ADK: variants seen among roughly 807,000 people sequenced by gnomAD.
ADK encodes the protein adenosine kinase.
A neutral mutation model predicts 44.7 loss-of-function variants in ADK; 24 were observed. That is an observed-to-expected ratio of 0.54 (90% CI 0.39 to 0.76). The LOEUF (loss-of-function observed/expected upper bound fraction) is 0.76. ADK is among the 30% of genes least tolerant of loss of function. The pLI is 0.00. For synonymous variants in ADK, 128 were observed against 142.6 expected, an observed-to-expected ratio of 0.90 and a Z score of 0.73; for missense variants, 321 against 425.1, an observed-to-expected ratio of 0.76 and a Z score of 2.15.
chr10:74,500,624 A>T (rs990192217), intron 6 of ADK, among the ~76,000 whole-genome samples: 1 of 152,246 alleles, frequency 6.6e-6, no homozygotes, highest in Non-Finnish European at 1.5e-5. Flanking sequence ...TAAAAATTAC[A>T]TCAAATCATA....
chr10:74,340,246 T>A (rs1287492924), intron 4 of ADK, among the ~76,000 whole-genome samples: 2 of 152,164 alleles, frequency 1.3e-5, no homozygotes, highest in African/African-American at 4.8e-5. Context: ...GGAAAAGGTG[T>A]GAAATTCCAG....
rs11001019 is a variant in ADK, at chr10:74,378,065, T to C, written c.274-16076T>C. Among the ~76,000 whole-genome samples the C allele has an allele frequency of 2.0e-5, 3 of 150,870 alleles. No individual in the cohort carries two copies. The East Asian group carries it at 5.8e-4, about 29-fold the overall frequency. On this transcript the variant is annotated intron_variant, in intron 4 of 10. Coordinates refer to ENST00000539909, the MANE Select transcript of ADK (RefSeq NM_006721.4). ...TCTGTGCCTCAGTTTTTTTTTTTTTTAATCTATGAAATGGAGATCATGTGT... is the reference window on the plus strand; with the variant it reads ...TCTGTGCCTCAGTTTTTTTTTTTTTCAATCTATGAAATGGAGATCATGTGT...
At chr10:74,615,247 A>C (rs1011280651) in intron 9 of ADK, among the ~76,000 whole-genome samples, 7 of 152,192 alleles carry the variant, frequency 4.6e-5, no homozygotes, top group Non-Finnish European at 1.0e-4. Flanking sequence ...ATCCAAAGTA[A>C]ATTAGCTCTT....
At chr10:74,627,351 T>C (rs1853246057) in intron 9 of ADK, among the ~76,000 whole-genome samples, 1 of 152,026 alleles carries the variant, frequency 6.6e-6, no homozygotes, top group African/African-American at 2.4e-5. Context: ...AGCACAGTGA[T>C]GCGCACCTGT....
At chr10:74,224,905 T>A (rs1844471784) in intron 3 of ADK, among the ~76,000 whole-genome samples, 1 of 152,232 alleles carries the variant, frequency 6.6e-6, no homozygotes, top group African/African-American at 2.4e-5. Flanking sequence ...CCTATTTTCT[T>A]TCTGACTGCT....
At chr10:74,685,337 A>G (rs1198144540) in intron 10 of ADK, among the ~76,000 whole-genome samples, 3 of 152,228 alleles carry the variant, frequency 2.0e-5, no homozygotes, top group Non-Finnish European at 4.4e-5. Flanking sequence ...TGACTAATAA[A>G]AATTATGATA....
chr10:74,558,033 T>C (rs1850324579), intron 7 of ADK, among the ~76,000 whole-genome samples: 1 of 152,154 alleles, frequency 6.6e-6, no homozygotes, highest in Non-Finnish European at 1.5e-5. Flanking sequence ...CACGATGCAC[T>C]GGGTCAGAGT....
chr10:74,368,124 C>T (rs1341730344), intron 4 of ADK, among the ~76,000 whole-genome samples: 1 of 152,212 alleles, frequency 6.6e-6, no homozygotes, highest in African/African-American at 2.4e-5. Flanking sequence ...CTGTCTTTTT[C>T]CCAGGAACAA....
At position 74,491,378 on chromosome 10, in the gene ADK, G is replaced by A. The variant is rs72818599; in HGVS notation, c.556-33878G>A. ...CTGCGTCAGCCTCTCAAGCAGCTGG[G>A]ACTACAGGGATATGTCACTATGTTC... On this transcript the variant is annotated intron_variant, in intron 6 of 10. Transcript: ENST00000539909. Among the ~76,000 whole-genome samples the A allele has an allele frequency of 3.1e-3, 475 of 152,202 alleles. 1 individual carries two copies. The highest frequency in any genetic ancestry group is 5.7e-3 in the Non-Finnish European group (386 of 68,000).
chr10:74,688,519 T>A (rs778996789), intron 10 of ADK, among the ~76,000 whole-genome samples: 5 of 152,174 alleles, frequency 3.3e-5, no homozygotes, highest in Non-Finnish European at 7.3e-5. Flanking sequence ...TAGTCGGTAT[T>A]TCTAGGAATT....
At chr10:74,193,096 TG>T (rs1843002958) in intron 1 of ADK, among the ~76,000 whole-genome samples, 1 of 152,224 alleles carries the variant, frequency 6.6e-6, no homozygotes, top group Admixed American at 6.5e-5. Flanking sequence ...TTTCTTTTCT[TG>T]ATGATTTGAC....
chr10:74,252,394 C>T (rs1020193379), intron 3 of ADK, among the ~76,000 whole-genome samples: 10 of 152,020 alleles, frequency 6.6e-5, no homozygotes, highest in African/African-American at 1.9e-4. Flanking sequence ...TTCTTTTAAA[C>T]GATACTTATC....
intron 9 of ADK, chr10:74,656,118 G>T: frequency 2.7e-6 from 1 of 366,644 alleles, no homozygotes; most frequent in South Asian, 3.7e-5. Flanking sequence ...ATCCCTCTTG[G>T]ATCACAAACA....
At chr10:74,700,667 C>T (rs527585857) in intron 10 of ADK, among the ~76,000 whole-genome samples, 1 of 151,076 alleles carries the variant, frequency 6.6e-6, no homozygotes, top group Non-Finnish European at 1.5e-5. Flanking sequence ...AGAAAATGTA[C>T]ATACATCTGC....
chr10:74,170,656 C>T (rs952966374), intron 1 of ADK, among the ~76,000 whole-genome samples: 2 of 151,514 alleles, frequency 1.3e-5, no homozygotes, highest in African/African-American at 2.4e-5. Context: ...AAAAATTTGC[C>T]GGGCGTGGTG....
chr10:74,385,777 A>G (rs1344991360), intron 4 of ADK, among the ~76,000 whole-genome samples: 2 of 152,202 alleles, frequency 1.3e-5, no homozygotes. Flanking sequence ...CTTGTTTACC[A>G]TCACATGGCT....
At chr10:74,246,450 A>G (rs559450385) in intron 3 of ADK, among the ~76,000 whole-genome samples, 2 of 152,358 alleles carry the variant, frequency 1.3e-5, no homozygotes, top group South Asian at 4.1e-4. Context: ...TTATAGACAG[A>G]AAGGGCTGAA....
Position 74,164,351 on chromosome 10 carries a change from C to G in ADK, c.65+13008C>G, listed in dbSNP as rs536965963. 2.6e-5 allele frequency among the ~76,000 whole-genome samples: 4 copies of G among 152,130 alleles called. No homozygotes were observed. In the South Asian group the frequency reaches 6.2e-4, roughly 24 times the overall value. ...AGGAGTTCGAGACCAGCCTGGCCAA[C>G]ATGTTGAAACCCTGTCTCTACTAAA... On this transcript the variant is annotated intron_variant, in intron 1 of 10. Coordinates refer to ENST00000539909, the MANE Select transcript of ADK (RefSeq NM_006721.4).
intron 3 of ADK, among the ~76,000 whole-genome samples, chr10:74,228,174 T>C (rs1254845152): frequency 6.6e-6 from 1 of 152,230 alleles, no homozygotes; most frequent in Non-Finnish European, 1.5e-5. Context: ...CGAGTATACT[T>C]GTTTCTCTGT....
Sources: gnomAD v4.1 joint callset for allele counts (sites outside exome capture counted in the v4.1 genomes callset) on GRCh38, gnomAD v4.1.1 for gene constraint, MANE v1.5 for transcripts, NCBI Gene and HGNC (gene_info 2026-07-23, HGNC 2026-07-21) for gene names.